Variants in DNAJC16 observed in about 807,000 individuals in gnomAD.
The protein encoded by DNAJC16 is DnaJ heat shock protein family (Hsp40) member C16, also known as dnaJ homolog subfamily C member 16.
Under a neutral mutation model 92.7 loss-of-function variants are expected in DNAJC16, and 76 were observed. The ratio of observed to expected loss-of-function variants is 0.82; its 90% confidence interval spans 0.68 to 0.99. The LOEUF (loss-of-function observed/expected upper bound fraction) is 0.99, where lower values mean the gene tolerates loss of function less well. Ranked by LOEUF, DNAJC16 falls within the 50% of genes least tolerant of loss-of-function variation. The probability of loss-of-function intolerance (pLI) is 0.00; values close to 1 mark genes in which losing one functional copy is unlikely to be tolerated. For synonymous variants in DNAJC16, 328 were observed against 358.7 expected (o/e 0.91, Z 0.97); for missense variants, 869 against 942.4 (o/e 0.92, Z 1.02).
rs779869116 is a variant in DNAJC16 at position 15,564,102 on chromosome 1, A to C, written c.1512A>C (p.Glu504Asp). Reference sequence around the variant, plus strand: ...CAGTGCTTCCTGACCTGACCGATGAACTTGCCCCTGTGAGCATCGGGGCTG... The same window carrying C: ...CAGTGCTTCCTGACCTGACCGATGACCTTGCCCCTGTGAGCATCGGGGCTG... ...SEAVLPDLTD[E>D]LAPVFLLRWF... Residue 504 changes from glutamate to aspartate, a missense_variant, in exon 10 of 15, where the codon GAA becomes GAC. Transcript: ENST00000375847. The C allele has an allele frequency of 4.3e-6, 7 of 1,613,898 alleles. No homozygotes were observed. Among genetic ancestry groups the C allele is most frequent in the Non-Finnish European group, 5.9e-6 (7 of 1,179,930 alleles).
At chr1:15,545,929 A>G (rs111828571) in intron 5 of DNAJC16, among the ~76,000 whole-genome samples, 1,748 of 152,352 alleles carry the variant, frequency 0.011, 39 homozygotes, top group African/African-American at 0.039. Flanking sequence ...AGTGGAGGAA[A>G]GTAACAATTC....
intron 4 of DNAJC16, among the ~76,000 whole-genome samples, chr1:15,543,353 A>G (rs1484330998): frequency 6.6e-6 from 1 of 152,172 alleles, no homozygotes; most frequent in Non-Finnish European, 1.5e-5. Context: ...AGTCACGGAG[A>G]TGCACACTTC....
At chr1:15,536,856 C>CT (rs112015425) in intron 4 of DNAJC16, 42 bp downstream of exon 4, 36,464 of 1,084,532 alleles carry the variant, frequency 0.034, no homozygotes, top group Non-Finnish European at 0.036. Flanking sequence ...ATATAGATGA[C>CT]TTTTTTTTTT....
intron 4 of DNAJC16, among the ~76,000 whole-genome samples, chr1:15,537,765 G>T (rs1271555308): frequency 6.6e-6 from 1 of 152,134 alleles, no homozygotes; most frequent in African/African-American, 2.4e-5. Context: ...ACAGGTGAGG[G>T]AACTAAGGCA....
At chr1:15,549,537 G>A (rs1014502479) in intron 7 of DNAJC16, among the ~76,000 whole-genome samples, 23 of 152,164 alleles carry the variant, frequency 1.5e-4, no homozygotes, top group Non-Finnish European at 2.9e-4. Flanking sequence ...TTTTGAAGCC[G>A]GGCGTGGTGG....
At chr1:15,557,734 G>T (rs537982450) in intron 7 of DNAJC16, among the ~76,000 whole-genome samples, 499 of 143,638 alleles carry the variant, frequency 3.5e-3, no homozygotes, top group Non-Finnish European at 4.9e-3. Context: ...TCTTGTTTTG[G>T]TTTTTTTTTT....
At chr1:15,553,931 C>T (rs1638510298) in intron 7 of DNAJC16, among the ~76,000 whole-genome samples, 1 of 152,000 alleles carries the variant, frequency 6.6e-6, no homozygotes, top group Non-Finnish European at 1.5e-5. Flanking sequence ...TGGCCAGGCA[C>T]AGTGGCTCAC....
chr1:15,564,169 T>C, intron 10 of DNAJC16, 58 bp downstream of exon 10: 2 of 1,601,630 alleles, frequency 1.2e-6, no homozygotes, highest in Admixed American at 3.3e-5. Flanking sequence ...TACACAGTGC[T>C]GGTGGCGGAT....
chr1:15,548,176 C>G, intron 6 of DNAJC16, 94 bp from the exon 7 acceptor site: 2 of 1,263,544 alleles, frequency 1.6e-6, no homozygotes, highest in Non-Finnish European at 2.2e-6. Context: ...TGGCATGTAC[C>G]TCTCTGCTCA....
At chr1:15,539,810 T>C (rs915801467) in intron 4 of DNAJC16, among the ~76,000 whole-genome samples, 2 of 151,834 alleles carry the variant, frequency 1.3e-5, no homozygotes, top group Non-Finnish European at 2.9e-5. Flanking sequence ...CACAGATCAC[T>C]TGAGGTCAGG....
intron 2 of DNAJC16, among the ~76,000 whole-genome samples, chr1:15,533,141 C>T (rs1306556582): frequency 3.9e-5 from 6 of 152,188 alleles, no homozygotes; most frequent in Non-Finnish European, 7.3e-5. Context: ...ATATAAAACA[C>T]TGATTTAGGT....
chr1:15,535,371 C>T (rs1484186098), intron 3 of DNAJC16, among the ~76,000 whole-genome samples: 2 of 152,192 alleles, frequency 1.3e-5, no homozygotes, highest in Admixed American at 1.3e-4. Flanking sequence ...AGTACCTAAA[C>T]TGAAATATTT....
chr1:15,559,667 AAG>A lies in DNAJC16; in HGVS notation c.1154+12_1154+13del. ...GCATCGACAGAGGAAGTAAGGACTTAAGGCTTTGCCTCTGCTTGTTATTACAA... is the reference window on the plus strand; with the variant it reads ...GCATCGACAGAGGAAGTAAGGACTTAGCTTTGCCTCTGCTTGTTATTACAA... On this transcript the variant is annotated intron_variant, in intron 8 of 14. Coordinates refer to ENST00000375847, the MANE Select transcript of DNAJC16 (RefSeq NM_015291.4). 1 of 1,613,120 alleles carries A rather than the reference AAG, an allele frequency of 6.2e-7. No individual in the cohort carries two copies. The highest frequency in any genetic ancestry group is 8.5e-7 in the Non-Finnish European group (1 of 1,179,458).
intron 2 of DNAJC16, among the ~76,000 whole-genome samples, chr1:15,533,971 A>G (rs1710720485): frequency 6.6e-6 from 1 of 152,164 alleles, no homozygotes; most frequent in Non-Finnish European, 1.5e-5. Context: ...ACCATTTCCC[A>G]CCTTCCTCTG....
chr1:15,547,525 C>T (rs752456877), intron 6 of DNAJC16, among the ~76,000 whole-genome samples: 6 of 151,692 alleles, frequency 4.0e-5, no homozygotes, highest in African/African-American at 7.3e-5. Flanking sequence ...TCACTGCAAC[C>T]TCCGCCTACC....
intron 7 of DNAJC16, among the ~76,000 whole-genome samples, chr1:15,549,844 T>G (rs988773053): frequency 3.3e-5 from 5 of 151,736 alleles, no homozygotes; most frequent in Admixed American, 3.3e-4. Context: ...AAAAAGATGT[T>G]TTGAGCGAGG....
At chr1:15,548,133 A>G in intron 6 of DNAJC16, 137 bp from the exon 7 acceptor site, 3 of 702,912 alleles carry the variant, frequency 4.3e-6, no homozygotes, top group East Asian at 5.6e-5. Context: ...GAAGTATACA[A>G]GGATACGGAA....
chr1:15,546,913 T>C, intron 6 of DNAJC16, 42 bp downstream of exon 6: 1 of 1,322,166 alleles, frequency 7.6e-7, no homozygotes, highest in Non-Finnish European at 1.0e-6. Context: ...TTCTTTTCTT[T>C]TCTTTTTTTT....
At position 15,566,963 on chromosome 1, in the gene DNAJC16, T is replaced by C. The variant is rs578052310; in HGVS notation, c.1779-136T>C. On this transcript the variant is annotated intron_variant, in intron 13 of 14. Coordinates refer to ENST00000375847, the MANE Select transcript of DNAJC16 (RefSeq NM_015291.4). ...AGTCAGGCCATCCCCATCCTACCAA[T>C]GTGTTAGACTCAAGAATAGTGAATA... 24 of 720,966 alleles carry C rather than the reference T, an allele frequency of 3.3e-5. No individual in the cohort carries two copies. In the South Asian group the frequency reaches 5.3e-4, roughly 16 times the overall value. 44.7% of individuals were successfully genotyped at this position (720,966 alleles called of 1,614,324 possible).
Sources: gnomAD v4.1 joint callset for allele counts (sites outside exome capture counted in the v4.1 genomes callset) on GRCh38, gnomAD v4.1.1 for gene constraint, MANE v1.5 for transcripts, NCBI Gene and HGNC (gene_info 2026-07-23, HGNC 2026-07-21) for gene names.